AVEN: variants seen among roughly 807,000 people sequenced by gnomAD.
The protein encoded by AVEN is apoptosis and caspase activation inhibitor.
In AVEN, 41 loss-of-function variants were observed where a neutral mutation model predicts 38.1. The observed-to-expected ratio is 1.08, with a 90% CI of 0.84 to 1.40. AVEN has a LOEUF of 1.40. AVEN is among the 40% of genes most tolerant of loss of function. The pLI is 0.00. For synonymous variants in AVEN, 206 were observed against 171.8 expected, an observed-to-expected ratio of 1.20 and a Z score of -1.56; for missense variants, 605 against 438.8, an observed-to-expected ratio of 1.38 and a Z score of -3.38.
chr15:33,853,546 T>G, the AVEN span: 3 of 1,612,928 alleles, frequency 1.9e-6, no homozygotes, highest in East Asian at 6.7e-5. Flanking sequence ...CTGTCATCCT[T>G]TGCTTCAGGT....
intron 2 of AVEN, among the ~76,000 whole-genome samples, chr15:33,999,068 A>G (rs563895): frequency 0.75 from 113,677 of 152,090 alleles, 46,111 homozygotes; most frequent in Non-Finnish European, 0.9. Flanking sequence ...TTTATCCTCC[A>G]CCCTTCTCCA....
chr15:33,857,874 A>G, downstream of AVEN: 1 of 1,614,198 alleles, frequency 6.2e-7, no homozygotes. Context: ...AAAAGCGAAG[A>G]CGATGACGAG....
At chr15:34,041,294 A>C (rs560662357), upstream of AVEN, among the ~76,000 whole-genome samples, 1 of 152,194 alleles carries the variant, frequency 6.6e-6, no homozygotes, top group South Asian at 2.1e-4. Context: ...GCACAGATAG[A>C]TTGGTGCAAA....
intron 2 of AVEN, among the ~76,000 whole-genome samples, chr15:33,937,063 G>A (rs1260536684): frequency 1.3e-5 from 2 of 148,216 alleles, no homozygotes; most frequent in Non-Finnish European, 3.0e-5. Flanking sequence ...CCCAGGAGGC[G>A]GTGCTTGCAG....
chr15:33,951,486 A>C (rs763380913), intron 2 of AVEN, among the ~76,000 whole-genome samples: 20 of 151,952 alleles, frequency 1.3e-4, no homozygotes, highest in Non-Finnish European at 2.5e-4. Context: ...GGGTGCAGCA[A>C]ACCAACACAG....
intron 5 of AVEN, among the ~76,000 whole-genome samples, 190 bp downstream of exon 5, chr15:33,867,305 G>A (rs1490083401): frequency 2.0e-5 from 3 of 152,060 alleles, no homozygotes; most frequent in African/African-American, 7.3e-5. Context: ...GGTGTGTCGC[G>A]TGAGAGGAAG....
rs558136914 is a variant in AVEN, at chr15:33,960,655, A to C, written c.445+42377T>G. 3.9e-5 allele frequency among the ~76,000 whole-genome samples: 6 copies of C among 152,372 alleles called. No homozygotes were observed. The South Asian group carries it at 1.2e-3, about 32-fold the overall frequency. ...CCTAACCAATGTCTACAGCTGACAC[A>C]GCTTAACATACCTCCCTGACATCTC... is the stretch of plus-strand genomic sequence containing the variant. On this transcript the variant is annotated intron_variant, in intron 2 of 5. Coordinates refer to ENST00000306730, the MANE Select transcript of AVEN (RefSeq NM_020371.3).
intron 2 of AVEN, among the ~76,000 whole-genome samples, chr15:33,935,264 CT>C (rs1362434187): frequency 6.6e-6 from 1 of 152,134 alleles, no homozygotes; most frequent in African/African-American, 2.4e-5. Flanking sequence ...CATCTCAGGC[CT>C]TTTTCTAGGA....
At chr15:33,903,786 TAAC>T (rs1483991931) in intron 2 of AVEN, among the ~76,000 whole-genome samples, 4 of 151,504 alleles carry the variant, frequency 2.6e-5, no homozygotes, top group East Asian at 3.9e-4. Flanking sequence ...ATGCATCACA[TAAC>T]AATAGGGATA....
At chr15:33,908,925 A>C (rs1225210050) in intron 2 of AVEN, among the ~76,000 whole-genome samples, 1 of 152,152 alleles carries the variant, frequency 6.6e-6, no homozygotes, top group Non-Finnish European at 1.5e-5. Flanking sequence ...AAAGCTGGAG[A>C]CCTGAGATCT....
chr15:33,866,789 C>T lies in AVEN; in HGVS notation c.974-61G>A. 4.1e-6 allele frequency: 5 copies of T among 1,221,272 alleles called. No individual in the cohort carries two copies. The South Asian group carries it at 6.4e-5, about 16-fold the overall frequency. The allele number at this position is 1,221,272 out of a possible 1,614,324, so 75.7% of individuals were successfully genotyped here. On this transcript the variant is annotated intron_variant, in intron 5 of 5. Transcript: ENST00000306730. ...GAGTCCTAAAATTGAAGGTATAATTCAGCCCAATTTATTACTTTCCTTACA... is the reference window on the plus strand; with the variant it reads ...GAGTCCTAAAATTGAAGGTATAATTTAGCCCAATTTATTACTTTCCTTACA...
chr15:33,994,126 C>CA (rs1217464887), intron 2 of AVEN, among the ~76,000 whole-genome samples: 1 of 152,192 alleles, frequency 6.6e-6, no homozygotes, highest in African/African-American at 2.4e-5. Context: ...GGCTGCATAG[C>CA]AGGAGGTGAG....
chr15:33,931,349 CTTTTTTTTTTTTTTTTTTTTTTT>C (rs71119903), intron 2 of AVEN, among the ~76,000 whole-genome samples: 59 of 89,260 alleles, frequency 6.6e-4, no homozygotes, highest in East Asian at 4.0e-3. Context: ...TGAATATTTT[CTTTTTTTTTTTTTTTTTTTTTTT>C]TTTTTTTTTT....
chr15:34,035,236 T>C (rs1899061050), intron 1 of AVEN, among the ~76,000 whole-genome samples: 1 of 152,246 alleles, frequency 6.6e-6, no homozygotes, highest in South Asian at 2.1e-4. Flanking sequence ...TCTCATCTTT[T>C]ATTGAATATA....
chr15:33,872,414 T>C (rs1468473081), intron 3 of AVEN, among the ~76,000 whole-genome samples: 1 of 152,172 alleles, frequency 6.6e-6, no homozygotes, highest in African/African-American at 2.4e-5. Flanking sequence ...CTCCTCAGAA[T>C]CTACAGCAAT....
intron 2 of AVEN, among the ~76,000 whole-genome samples, chr15:33,920,832 C>G (rs1361930150): frequency 1.3e-5 from 2 of 152,004 alleles, no homozygotes; most frequent in East Asian, 3.9e-4. Flanking sequence ...GTGGTGCAAT[C>G]TCGCAATCTC....
chr15:34,075,002 C>A (rs1210628995), exon 1 of AVEN, among the ~76,000 whole-genome samples: 3 of 151,788 alleles, frequency 2.0e-5, no homozygotes, highest in African/African-American at 7.3e-5. Flanking sequence ...CACGGTGAAA[C>A]CTTGTCTCTA....
At chr15:33,889,626 C>A (rs978501348) in intron 2 of AVEN, among the ~76,000 whole-genome samples, 1 of 152,072 alleles carries the variant, frequency 6.6e-6, no homozygotes, top group Admixed American at 6.5e-5. Context: ...CTTGCCTTCT[C>A]ATCTCATTAG....
chr15:33,998,940 C>G (rs563623269), intron 2 of AVEN, among the ~76,000 whole-genome samples: 1 of 152,274 alleles, frequency 6.6e-6, no homozygotes, highest in Admixed American at 6.5e-5. Flanking sequence ...TGGCATCACC[C>G]AAATGTATTA....
Sources: gnomAD v4.1 joint callset for allele counts (sites outside exome capture counted in the v4.1 genomes callset) on GRCh38, gnomAD v4.1.1 for gene constraint, MANE v1.5 for transcripts, NCBI Gene and HGNC (gene_info 2026-07-23, HGNC 2026-07-21) for gene names.